Variants in NSUN7 observed in about 807,000 individuals in gnomAD.
NSUN7 encodes the protein protein NSUN7.
NSUN7 carries 39 observed loss-of-function variants against 58.5 expected under a neutral mutation model. The observed-to-expected ratio is 0.67, with a 90% confidence interval of 0.52 to 0.87. The LOEUF (loss-of-function observed/expected upper bound fraction) is 0.87. Among genes scored for constraint, NSUN7 ranks in the 40% least tolerant of loss-of-function variants. NSUN7 has a pLI of 0.00. For synonymous variants in NSUN7, 278 were observed against 303.7 expected, an observed-to-expected ratio of 0.92 and a Z score of 0.88; for missense variants, 765 against 844.1, an observed-to-expected ratio of 0.91 and a Z score of 1.16.
At chr4:40,752,773 C>G (rs1740901143) in intron 2 of NSUN7, among the ~76,000 whole-genome samples, 1 of 9,774 alleles carries the variant, frequency 1.0e-4, no homozygotes. Context: ...ATTAAAATGT[C>G]TCACTGATTA....
Position 40,790,599 on chromosome 4 carries a change from C to T in NSUN7, c.1037-3C>T. 1 of 1,510,848 alleles carries T rather than the reference C, an allele frequency of 6.6e-7. No homozygotes were observed. Among genetic ancestry groups the T allele is most frequent in the Non-Finnish European group, 9.0e-7 (1 of 1,109,020 alleles). The allele number at this position is 1,510,848 out of a possible 1,614,324, so 93.6% of individuals were successfully genotyped here. On this transcript the variant is annotated splice_polypyrimidine_tract_variant and splice_region_variant and intron_variant, in intron 7 of 11. Transcript: ENST00000381782. ...CATTAAATTTTCTGTGTTTTTTCCCCAGATATTGAAATACTTCATGAGAAA... is the reference window on the plus strand; with the variant it reads ...CATTAAATTTTCTGTGTTTTTTCCCTAGATATTGAAATACTTCATGAGAAA...
At chr4:40,786,571 G>A (rs528376289) in intron 7 of NSUN7, 1 of 1,613,320 alleles carries the variant, frequency 6.2e-7, no homozygotes, top group Admixed American at 1.7e-5. Context: ...GTTAGCAATG[G>A]GTGACCTGAG....
chr4:40,795,707 G>T (rs968989300), intron 9 of NSUN7, among the ~76,000 whole-genome samples: 1 of 152,000 alleles, frequency 6.6e-6, no homozygotes, highest in Non-Finnish European at 1.5e-5. Context: ...TGTAATCAGG[G>T]GTTTGACTCC....
rs770159827 is a variant in NSUN7, at chr4:40,798,784, T to C, written c.1283-3T>C. 4 of 1,538,352 alleles carry C rather than the reference T, an allele frequency of 2.6e-6. No homozygotes were observed. Among genetic ancestry groups the C allele is most frequent in the Non-Finnish European group, 3.6e-6 (4 of 1,114,652 alleles). ...ACAGTCATTGCATCTTCTTCTAATA[T>C]AGTTACTAAAGCTCAAGCAGTTGTT... On this transcript the variant is annotated splice_region_variant and splice_polypyrimidine_tract_variant and intron_variant, in intron 9 of 11. Coordinates refer to ENST00000381782, the MANE Select transcript of NSUN7 (RefSeq NM_024677.6).
At chr4:40,764,120 A>G (rs2154286981) in intron 4 of NSUN7, among the ~76,000 whole-genome samples, 1 of 151,472 alleles carries the variant, frequency 6.6e-6, no homozygotes, top group South Asian at 2.1e-4. Flanking sequence ...GTACATGTGC[A>G]CAATGTGCAG....
chr4:40,809,990 A>ATATC lies in NSUN7; in HGVS notation c.*1053_*1056dup, dbSNP rs1744107204. 1 of 152,228 alleles carries ATATC rather than the reference A, an allele frequency of 6.6e-6. No homozygotes were observed. Among genetic ancestry groups the ATATC allele is most frequent in the African/African-American group, 2.4e-5 (1 of 41,460 alleles). The allele number at this position is 152,228 out of a possible 1,614,324, so 9.4% of individuals were successfully genotyped here. On this transcript the variant is annotated 3_prime_UTR_variant, in exon 12 of 12. Transcript: ENST00000381782. ...TTAAATAGAATTAAGATACAACTAT[A>ATATC]TATCTTATTATTTAAAAACATTCAT...
rs139845799 is a variant in NSUN7 at position 40,796,244 on chromosome 4, C to T, written c.1282+1768C>T. 4.3e-3 allele frequency among the ~76,000 whole-genome samples: 655 copies of T among 152,282 alleles called. 4 individuals carry two copies. The highest frequency in any genetic ancestry group is 0.014 in the African/African-American group (577 of 41,552). The stretch of plus-strand genomic sequence containing the variant: ...TGGCGCATGCCTGTAGTCCCAGCTA[C>T]TTGGGAGGCTGAGATATGAGAATCA... On this transcript the variant is annotated intron_variant, in intron 9 of 11. Coordinates refer to ENST00000381782, the MANE Select transcript of NSUN7 (RefSeq NM_024677.6).
At chr4:40,756,915 T>A (rs981635640) in intron 2 of NSUN7, among the ~76,000 whole-genome samples, 1 of 152,130 alleles carries the variant, frequency 6.6e-6, no homozygotes, top group Non-Finnish European at 1.5e-5. Flanking sequence ...TTACTTTCAG[T>A]ATTTAATAAG....
chr4:40,756,792 A>C (rs1404360540), intron 2 of NSUN7, among the ~76,000 whole-genome samples: 2 of 152,244 alleles, frequency 1.3e-5, no homozygotes, highest in African/African-American at 4.8e-5. Flanking sequence ...TTATATACAC[A>C]GTCCCCAATG....
intron 4 of NSUN7, among the ~76,000 whole-genome samples, chr4:40,770,165 A>G (rs1232146268): frequency 6.7e-6 from 1 of 149,668 alleles, no homozygotes; most frequent in African/African-American, 2.5e-5. Context: ...AGCCAAGATC[A>G]TGCCACTGCA....
Position 40,809,221 on chromosome 4 carries a change from T to C in NSUN7, c.*282T>C. 1 of 280,980 alleles carries C rather than the reference T, an allele frequency of 3.6e-6. No homozygotes were observed. The highest frequency in any genetic ancestry group is 6.6e-6 in the Non-Finnish European group (1 of 150,936). The allele number at this position is 280,980 out of a possible 1,614,324, so 17.4% of individuals were successfully genotyped here. On this transcript the variant is annotated 3_prime_UTR_variant, in exon 12 of 12. Transcript: ENST00000381782. ...CAGAACTTATCTCACTCCTGTGAAC[T>C]TTCAGGCTGGACTTAAAGCTGCCAA... is the stretch of plus-strand genomic sequence containing the variant.
chr4:40,758,637 CA>C (rs1741290121), intron 2 of NSUN7, among the ~76,000 whole-genome samples: 2 of 151,612 alleles, frequency 1.3e-5, no homozygotes, highest in East Asian at 3.9e-4. Context: ...CCAACTTAGC[CA>C]ACGTGGCAAA....
Position 40,808,942 on chromosome 4 carries a change from G to C in NSUN7, c.*3G>C. The C allele has an allele frequency of 6.6e-7, 1 of 1,506,496 alleles. No homozygotes were observed. The highest frequency in any genetic ancestry group is 8.8e-7 in the Non-Finnish European group (1 of 1,130,128). 93.3% of individuals were successfully genotyped at this position (1,506,496 alleles called of 1,614,324 possible). A position where few individuals can be genotyped will look rare whatever the true frequency, so the allele number is the denominator to read the frequency against. ...GGCCTCCTCGGCGATGGCTTTGATT[G>C]TCTTGTGTTTTTTATAGGGGCCAAA... On this transcript the variant is annotated 3_prime_UTR_variant, in exon 12 of 12. Transcript: ENST00000381782.
rs1304670669 is a variant in NSUN7 at position 40,798,874 on chromosome 4, A to C, written c.1370A>C (p.Gln457Pro). The part of the protein sequence containing the change: ...EAVVKKALEF[Q>P]DLGNKGQPYR... ...GTTGTTAAGAAAGCACTGGAATTTC[A>C]AGACCTTGGGAATAAAGGACAACCT... Residue 457 changes from glutamine (Q) to proline (P), a missense_variant, in exon 10 of 12, where the codon CAA (glutamine) becomes CCA (proline). Gln to Pro is a moderately conservative substitution (Grantham distance 76). Coordinates refer to ENST00000381782, the MANE Select transcript of NSUN7 (RefSeq NM_024677.6). 6.2e-7 allele frequency: 1 copy of C among 1,609,748 alleles called. No individual in the cohort carries two copies. Among genetic ancestry groups the C allele is most frequent in the African/African-American group, 1.3e-5 (1 of 74,816 alleles).
At chr4:40,802,487 G>T (rs1331280996) in intron 10 of NSUN7, among the ~76,000 whole-genome samples, 1 of 152,100 alleles carries the variant, frequency 6.6e-6, no homozygotes, top group Non-Finnish European at 1.5e-5. Flanking sequence ...GATGAGCTAG[G>T]TCCCTTTTTA....
chr4:40,804,690 G>A (rs925540804), intron 10 of NSUN7, among the ~76,000 whole-genome samples: 13 of 152,126 alleles, frequency 8.5e-5, no homozygotes, highest in Non-Finnish European at 1.8e-4. Flanking sequence ...GCACGAAGGT[G>A]AGCAGTGCAT....
At position 40,809,207 on chromosome 4, in the gene NSUN7, TCA is replaced by T; in HGVS notation, c.*270_*271del. 1 of 318,716 alleles carries T rather than the reference TCA, an allele frequency of 3.1e-6. No individual in the cohort carries two copies. Among genetic ancestry groups the T allele is most frequent in the Non-Finnish European group, 5.7e-6 (1 of 174,486 alleles). The allele number at this position is 318,716 out of a possible 1,614,324, so 19.7% of individuals were successfully genotyped here. A position where few individuals can be genotyped will look rare whatever the true frequency, so the allele number is the denominator to read the frequency against. On this transcript the variant is annotated 3_prime_UTR_variant, in exon 12 of 12. Transcript: ENST00000381782. ...TCAGTATCAGCGGTCAGAACTTATCTCACTCCTGTGAACTTTCAGGCTGGACT... is the reference window on the plus strand; with the variant it reads ...TCAGTATCAGCGGTCAGAACTTATCTCTCCTGTGAACTTTCAGGCTGGACT...
rs546313030 is a variant in NSUN7 at position 40,808,116 on chromosome 4, T to G, written c.1525-191T>G. Among the ~76,000 whole-genome samples, 77 of 152,178 alleles carry G rather than the reference T, an allele frequency of 5.1e-4. No homozygotes were observed. In the South Asian group the frequency reaches 1.0e-2, roughly 20 times the overall value. On this transcript the variant is annotated intron_variant, in intron 11 of 11. Coordinates refer to ENST00000381782, the MANE Select transcript of NSUN7 (RefSeq NM_024677.6). The stretch of plus-strand genomic sequence containing the variant: ...ATAAATGGGGAAGTTTAAGTTTTTT[T>G]TTTGTTTGTTTTTTTAAAAAGGCAT...
intron 10 of NSUN7, among the ~76,000 whole-genome samples, chr4:40,804,855 G>A (rs542375074): frequency 2.6e-5 from 4 of 152,218 alleles, no homozygotes; most frequent in Admixed American, 6.5e-5. Context: ...TGCTGTCAAT[G>A]AGCCCAGTTG....
Sources: gnomAD v4.1 joint callset for allele counts (sites outside exome capture counted in the v4.1 genomes callset) on GRCh38, gnomAD v4.1.1 for gene constraint, MANE v1.5 for transcripts, NCBI Gene and HGNC (gene_info 2026-07-23, HGNC 2026-07-21) for gene names.